The following TMLHE variants were observed in gnomAD, a reference collection of about 807,000 sequenced individuals.
The protein encoded by TMLHE is trimethyllysine dioxygenase, mitochondrial.
A neutral mutation model predicts 25.7 loss-of-function variants in TMLHE; 18 were observed. That is an observed-to-expected ratio of 0.70 (90% CI 0.48 to 1.04). TMLHE has a LOEUF of 1.04. Among genes scored for constraint, TMLHE ranks in the 50% least tolerant of loss-of-function variants. The pLI is 0.00. For synonymous variants in TMLHE, 105 were observed against 97.0 expected (o/e 1.08, Z -0.49); for missense variants, 236 against 259.0 (o/e 0.91, Z 0.61).
chrX:155,609,584 T>C (rs782595459), intron 1 of TMLHE, among the ~76,000 whole-genome samples: 22 of 111,515 alleles, frequency 2.0e-4, no homozygotes, highest in Non-Finnish European at 3.0e-4. Context: ...CATACAGTAG[T>C]AAGAAAATGA....
intron 1 of TMLHE, among the ~76,000 whole-genome samples, chrX:155,584,800 T>C (rs1388742651): frequency 9.0e-6 from 1 of 111,480 alleles, no homozygotes; most frequent in Non-Finnish European, 1.9e-5. Flanking sequence ...AAATTTATGA[T>C]TTCCCTCATA....
At position 155,549,263 on chromosome X, in the gene TMLHE, G is replaced by T. The variant is rs1557339609; in HGVS notation, c.-1-3986C>A. ...GCTGCATTGTGCTCACTAGTTAGGA[G>T]GAGTAAGCATGGACAACCTTGCCTT... On this transcript the variant is annotated intron_variant, in intron 1 of 7. Transcript: ENST00000334398. 2.7e-5 allele frequency among the ~76,000 whole-genome samples: 3 copies of T among 110,699 alleles called. 1 individual carries two copies. The highest frequency in any genetic ancestry group is 5.7e-5 in the Non-Finnish European group (3 of 52,999).
chrX:155,584,887 C>T (rs1444496165), intron 1 of TMLHE, among the ~76,000 whole-genome samples: 2 of 111,064 alleles, frequency 1.8e-5, no homozygotes, highest in African/African-American at 6.5e-5. Flanking sequence ...ATGCTCGAGT[C>T]TTAAACCTGA....
At chrX:155,536,401 G>T (rs1006428961) in intron 2 of TMLHE, among the ~76,000 whole-genome samples, 21 of 111,216 alleles carry the variant, frequency 1.9e-4, no homozygotes, top group African/African-American at 6.2e-4. Flanking sequence ...TAGTAATCCT[G>T]ACTATATGCT....
chrX:155,512,432 C>T (rs112034986), intron 4 of TMLHE, among the ~76,000 whole-genome samples: 108 of 104,989 alleles, frequency 1.0e-3, no homozygotes, highest in African/African-American at 3.2e-3. Context: ...GGTTTTTTGT[C>T]CTTGCGATAG....
At chrX:155,557,126 G>A (rs2067462636) in intron 1 of TMLHE, among the ~76,000 whole-genome samples, 1 of 111,603 alleles carries the variant, frequency 9.0e-6, no homozygotes, top group Admixed American at 9.5e-5. Flanking sequence ...TTATTACAGG[G>A]TCCTGAGACG....
At chrX:155,551,920 T>A (rs899327494) in intron 1 of TMLHE, among the ~76,000 whole-genome samples, 2 of 110,516 alleles carry the variant, frequency 1.8e-5, no homozygotes, top group African/African-American at 6.7e-5. Flanking sequence ...TTACTTTTTA[T>A]TCCTAGTTTG....
chrX:155,515,647 A>G (rs1218775318), intron 3 of TMLHE, among the ~76,000 whole-genome samples: 1 of 111,510 alleles, frequency 9.0e-6, no homozygotes. Flanking sequence ...TTTAAAATAT[A>G]TTTTTTTCTA....
chrX:155,508,465 A>G (rs1026689085), intron 5 of TMLHE, among the ~76,000 whole-genome samples: 2 of 110,978 alleles, frequency 1.8e-5, no homozygotes, highest in Admixed American at 9.6e-5. Flanking sequence ...TAAGGAAGAG[A>G]GGTGGATTTT....
At chrX:155,607,331 C>A in intron 1 of TMLHE, among the ~76,000 whole-genome samples, 1 of 112,021 alleles carries the variant, frequency 8.9e-6, no homozygotes, top group Non-Finnish European at 1.9e-5. Flanking sequence ...ATCACATGTT[C>A]ATTTCAATAG....
At chrX:155,562,396 CCTT>C (rs1425636423) in intron 1 of TMLHE, among the ~76,000 whole-genome samples, 8 of 51,935 alleles carry the variant, frequency 1.5e-4, no homozygotes, top group African/African-American at 3.7e-4. Context: ...GCCCATGAAA[CCTT>C]TTTTTTTTCT....
At chrX:155,544,976 T>A (rs906364627) in intron 2 of TMLHE, 120 bp downstream of exon 2, 6 of 741,078 alleles carry the variant, frequency 8.1e-6, no homozygotes, top group Non-Finnish European at 1.2e-5. Context: ...AGATAGTAAA[T>A]TTTGTACTAT....
chrX:155,576,268 A>G (rs1557343769), intron 1 of TMLHE, among the ~76,000 whole-genome samples: 3 of 111,622 alleles, frequency 2.7e-5, no homozygotes, highest in Non-Finnish European at 5.6e-5. Flanking sequence ...AACAGCCACA[A>G]GAAGAATAAA....
rs782414491 is a variant in TMLHE, at chrX:155,524,620, G to A, written c.194C>T (p.Ala65Val). ...GTAATCAAAGCGCATCACGGTATTA[G>A]CATATTTCAGCTCTAGGGAAAAGAT... ...QHEDHFELKY[A>V]NTVMRFDYVW... Residue 65 changes from alanine (A) to valine (V), a missense_variant, in exon 3 of 8, where the codon GCT (alanine) becomes GTT (valine). Physicochemically the swap from Ala to Val is moderately conservative, Grantham distance 64 (BLOSUM62 0). Around this residue, in one of 2 missense-constraint regions of TMLHE, gnomAD observed 217 missense variants for 214.6 expected, o/e 1.01. Coordinates refer to ENST00000334398, the MANE Select transcript of TMLHE (RefSeq NM_018196.4). The A allele has an allele frequency of 4.3e-6, 5 of 1,175,873 alleles. No individual in the cohort carries two copies. The African/African-American group carries it at 7.1e-5, about 17-fold the overall frequency.
intron 1 of TMLHE, among the ~76,000 whole-genome samples, chrX:155,567,250 C>T (rs1557342241): frequency 1.6e-5 from 1 of 62,910 alleles, no homozygotes; most frequent in East Asian, 7.0e-4. Context: ...AAAGAAACAG[C>T]ATCTCCTGAA....
At chrX:155,507,171 A>G (rs782820920) in intron 5 of TMLHE, 37 bp from the exon 6 acceptor site, 1 of 918,552 alleles carries the variant, frequency 1.1e-6, no homozygotes, top group South Asian at 2.5e-5. Flanking sequence ...GTTCAGTGGA[A>G]GAGAGAACAT....
chrX:155,590,591 C>T (rs782059095), intron 1 of TMLHE, among the ~76,000 whole-genome samples: 101 of 111,299 alleles, frequency 9.1e-4, no homozygotes, highest in African/African-American at 3.2e-3. Flanking sequence ...GAAGTTTCTA[C>T]GTGCTACTGA....
intron 1 of TMLHE, among the ~76,000 whole-genome samples, chrX:155,583,596 G>A (rs782820469): frequency 9.0e-6 from 1 of 111,293 alleles, no homozygotes; most frequent in Non-Finnish European, 1.9e-5. Context: ...TAAATAAAAT[G>A]TAGTACATAT....
intron 1 of TMLHE, among the ~76,000 whole-genome samples, chrX:155,581,999 G>C (rs1435529983): frequency 5.4e-5 from 6 of 111,834 alleles, no homozygotes; most frequent in Middle Eastern, 4.6e-3. Context: ...GAACAGAACA[G>C]AGCCCTCAGA....
Sources: gnomAD v4.1 joint callset for allele counts (sites outside exome capture counted in the v4.1 genomes callset) on GRCh38, gnomAD v4.1.1 for gene constraint, gnomAD v4.1.1 regional missense constraint, MANE v1.5 for transcripts, NCBI Gene and HGNC (gene_info 2026-07-23, HGNC 2026-07-21) for gene names.